The following IQCM variants were observed in gnomAD, a reference collection of about 807,000 sequenced individuals.
IQCM encodes the protein IQ domain-containing protein M.
In IQCM, 45 loss-of-function variants were observed where a neutral mutation model predicts 57.6. That is an observed-to-expected ratio of 0.78 (90% CI 0.62 to 1.00). IQCM has a LOEUF of 1.00. Among genes scored for constraint, IQCM ranks in the 50% least tolerant of loss-of-function variants. IQCM has a pLI of 0.00. For synonymous variants in IQCM, 148 were observed against 158.9 expected (o/e 0.93, Z 0.51); for missense variants, 468 against 511.6 (o/e 0.91, Z 0.82).
intron 13 of IQCM, among the ~76,000 whole-genome samples, chr4:149,415,377 T>C (rs776848188): frequency 7.9e-5 from 12 of 152,304 alleles, no homozygotes; most frequent in Admixed American, 1.3e-4. Context: ...TTTTCTACTA[T>C]GCAAAATGAA....
chr4:149,682,646 C>A (rs1199670821), intron 6 of IQCM, among the ~76,000 whole-genome samples: 1 of 151,054 alleles, frequency 6.6e-6, no homozygotes, highest in Non-Finnish European at 1.5e-5. Context: ...AAATAAAAAT[C>A]TCCCCTAATC....
intron 8 of IQCM, among the ~76,000 whole-genome samples, chr4:149,591,699 G>A (rs536177626): frequency 7.2e-5 from 11 of 152,122 alleles, no homozygotes; most frequent in Admixed American, 2.6e-4. Flanking sequence ...ACAAACATGC[G>A]GTGTTTGGTT....
intron 2 of IQCM, among the ~76,000 whole-genome samples, chr4:149,758,842 A>G (rs1580220993): frequency 6.6e-6 from 1 of 152,148 alleles, no homozygotes; most frequent in South Asian, 2.1e-4. Flanking sequence ...GAACTCACTC[A>G]TTGCTGGTGG....
intron 11 of IQCM, among the ~76,000 whole-genome samples, chr4:149,550,913 T>A (rs2149902044): frequency 6.6e-6 from 1 of 152,338 alleles, no homozygotes; most frequent in South Asian, 2.1e-4. Flanking sequence ...AGCTCCTATG[T>A]TGGACAGACC....
At chr4:149,446,751 T>C (rs1223682863) in intron 12 of IQCM, among the ~76,000 whole-genome samples, 1 of 151,586 alleles carries the variant, frequency 6.6e-6, no homozygotes, top group Non-Finnish European at 1.5e-5. Context: ...TTAGAACATT[T>C]CATTAAAAAT....
intron 7 of IQCM, among the ~76,000 whole-genome samples, chr4:149,655,847 T>G (rs1018468200): frequency 1.3e-5 from 2 of 152,168 alleles, no homozygotes; most frequent in African/African-American, 4.8e-5. Context: ...AATGCTCACT[T>G]TATAAGCCCC....
chr4:149,771,856 T>C (rs1419386049), intron 2 of IQCM, among the ~76,000 whole-genome samples: 1 of 152,180 alleles, frequency 6.6e-6, no homozygotes, highest in Non-Finnish European at 1.5e-5. Context: ...ATGTATTTTT[T>C]AATCCTACTA....
intron 9 of IQCM, among the ~76,000 whole-genome samples, chr4:149,587,610 A>C: frequency 6.6e-6 from 1 of 151,806 alleles, no homozygotes; most frequent in East Asian, 1.9e-4. Context: ...ATGCAGTGTC[A>C]TTTACGGCAT....
At chr4:149,463,491 C>T (rs768494821) in intron 12 of IQCM, among the ~76,000 whole-genome samples, 3 of 152,112 alleles carry the variant, frequency 2.0e-5, no homozygotes, top group Non-Finnish European at 4.4e-5. Context: ...ACAGACAGGT[C>T]GTTTTCTATT....
In IQCM at chr4:149,452,394, T is replaced by C. The variant is rs572698248; in HGVS notation, c.1229-18837A>G. Among the ~76,000 whole-genome samples, 10 of 150,434 alleles carry C rather than the reference T, an allele frequency of 6.6e-5. No homozygotes were observed. The East Asian group carries it at 2.0e-3, about 29-fold the overall frequency. On this transcript the variant is annotated intron_variant, in intron 12 of 13. Transcript: ENST00000636793. ...GTATCTAGAATAGCCAAAATAACTT[T>C]GAAAAAAAAAATGAAGAACGTATAC... is the stretch of plus-strand genomic sequence containing the variant.
rs181271343 is a variant in IQCM at position 149,729,761 on chromosome 4, C to G, written c.385+3483G>C. On this transcript the variant is annotated intron_variant, in intron 5 of 13. Coordinates refer to ENST00000636793, the MANE Select transcript of IQCM (RefSeq NM_001363507.2). ...TGTTTCCTTTACCCCTTGGATTAGT[C>G]TCTCAATAATGACTGCCATGAGGGT... 2.5e-3 allele frequency among the ~76,000 whole-genome samples: 388 copies of G among 152,208 alleles called. 1 individual carries two copies. Among genetic ancestry groups the G allele is most frequent in the Non-Finnish European group, 4.0e-3 (275 of 68,008 alleles).
chr4:149,562,678 C>T (rs150289752), intron 10 of IQCM, among the ~76,000 whole-genome samples: 159 of 152,160 alleles, frequency 1.0e-3, no homozygotes, highest in Admixed American at 1.9e-3. Context: ...TACAAAATTA[C>T]GGGATTAAGT....
At chr4:149,471,849 A>T (rs550366870) in intron 12 of IQCM, among the ~76,000 whole-genome samples, 2 of 152,342 alleles carry the variant, frequency 1.3e-5, no homozygotes, top group East Asian at 3.9e-4. Flanking sequence ...TCCATCATAT[A>T]AACAGAACCA....
At chr4:149,366,239 T>A (rs911344765) in intron 13 of IQCM, among the ~76,000 whole-genome samples, 1 of 152,084 alleles carries the variant, frequency 6.6e-6, no homozygotes, top group South Asian at 2.1e-4. Context: ...ACCAACAGTA[T>A]AGTGGGTAGA....
chr4:149,436,668 AT>A (rs1349587530), intron 12 of IQCM, among the ~76,000 whole-genome samples: 1 of 152,118 alleles, frequency 6.6e-6, no homozygotes, highest in Non-Finnish European at 1.5e-5. Flanking sequence ...AAAAGCAGGA[AT>A]TTAATTTGTT....
At position 149,464,470 on chromosome 4, in the gene IQCM, G is replaced by T. The variant is rs370787399; in HGVS notation, c.1229-30913C>A. 7.2e-5 allele frequency among the ~76,000 whole-genome samples: 11 copies of T among 152,192 alleles called. No homozygotes were observed. In the South Asian group the frequency reaches 2.3e-3, roughly 32 times the overall value. ...CCAGAGCCCTCTGGACTAAGCCCCT[G>T]GCCCCTAAGGTTTCTTTCTTGCCAG... On this transcript the variant is annotated intron_variant, in intron 12 of 13. Coordinates refer to ENST00000636793, the MANE Select transcript of IQCM (RefSeq NM_001363507.2).
intron 2 of IQCM, among the ~76,000 whole-genome samples, chr4:149,807,861 CA>C: frequency 6.8e-6 from 1 of 147,986 alleles, no homozygotes; most frequent in African/African-American, 2.7e-5. Flanking sequence ...CAGGAAGATG[CA>C]TGTCAAAACC....
rs1008980501 is a variant in IQCM, at chr4:149,351,752, GT to G, written c.*198del. Among the ~76,000 whole-genome samples, 1 of 152,018 alleles carries G rather than the reference GT, an allele frequency of 6.6e-6. No homozygotes were observed. Among genetic ancestry groups the G allele is most frequent in the African/African-American group, 2.4e-5 (1 of 41,416 alleles). On this transcript the variant is annotated 3_prime_UTR_variant, in exon 14 of 14. Coordinates refer to ENST00000636793, the MANE Select transcript of IQCM (RefSeq NM_001363507.2). The stretch of plus-strand genomic sequence containing the variant: ...TTTACTTCATTATGATAAAAGAGAT[GT>G]TTTTTATGAAGGAGATCAAATGAAT...
chr4:149,554,825 G>C (rs958596987), intron 10 of IQCM, among the ~76,000 whole-genome samples: 1 of 151,578 alleles, frequency 6.6e-6, no homozygotes, highest in Non-Finnish European at 1.5e-5. Flanking sequence ...TCAGCCTCCA[G>C]AGCAGCTGGG....
Sources: gnomAD v4.1 joint callset for allele counts (sites outside exome capture counted in the v4.1 genomes callset) on GRCh38, gnomAD v4.1.1 for gene constraint, MANE v1.5 for transcripts, NCBI Gene and HGNC (gene_info 2026-07-23, HGNC 2026-07-21) for gene names.